The following PTAR1 variants were observed in gnomAD, a reference collection of about 807,000 sequenced individuals.
The protein encoded by PTAR1 is protein prenyltransferase alpha subunit repeat containing 1.
In PTAR1, 17 loss-of-function variants were observed where a neutral mutation model predicts 45.5. That is an observed-to-expected ratio of 0.37 (90% CI 0.26 to 0.56). PTAR1 has a LOEUF of 0.56. Among genes scored for constraint, PTAR1 ranks in the 20% least tolerant of loss-of-function variants. PTAR1 has a pLI of 0.77. For synonymous variants in PTAR1, 169 were observed against 171.3 expected (o/e 0.99, Z 0.11); for missense variants, 391 against 476.3 (o/e 0.82, Z 1.67).
At position 69,718,659 on chromosome 9, in the gene PTAR1, G is replaced by A. The variant is rs1246586260; in HGVS notation, c.973C>T (p.His325Tyr). 6.3e-7 allele frequency: 1 copy of A among 1,588,354 alleles called. No homozygotes were observed. The highest frequency in any genetic ancestry group is 8.6e-7 in the Non-Finnish European group (1 of 1,165,844). The change falls in exon 7 of 8, where the codon CAC (histidine) becomes TAC (tyrosine). Residue 325 changes from histidine to tyrosine, a missense_variant. By Grantham distance (83) the His-to-Tyr change is moderately conservative. Around this residue, in one of 5 missense-constraint regions of PTAR1, gnomAD observed 181 missense variants for 227.7 expected, o/e 0.80. Transcript: ENST00000340434. Reference sequence around the variant, plus strand: ...CTGTGAGGAAACCTACCATTTAAGTGATGCTGAAGGTAGAAAATATGCCGC... The same window carrying A: ...CTGTGAGGAAACCTACCATTTAAGTAATGCTGAAGGTAGAAAATATGCCGC... The part of the protein sequence containing the change: ...HRRHIFYLQH[H>Y]LNAGSQLSQA...
intron 2 of PTAR1, among the ~76,000 whole-genome samples, chr9:69,747,988 G>A (rs112995257): frequency 2.0e-5 from 3 of 152,110 alleles, no homozygotes; most frequent in East Asian, 1.9e-4. Flanking sequence ...TCAGAAAAGC[G>A]TGGTCAAACT....
At chr9:69,740,053 T>C (rs571189089) in intron 3 of PTAR1, among the ~76,000 whole-genome samples, 1 of 152,290 alleles carries the variant, frequency 6.6e-6, no homozygotes, top group Non-Finnish European at 1.5e-5. Flanking sequence ...TCTTGATAAT[T>C]AAAAGTTATA....
At chr9:69,725,450 C>T (rs1400969078) in intron 5 of PTAR1, among the ~76,000 whole-genome samples, 3 of 151,708 alleles carry the variant, frequency 2.0e-5, no homozygotes, top group African/African-American at 7.3e-5. Flanking sequence ...ATTTGCAGGG[C>T]GTGGTGGTGC....
At chr9:69,721,400 A>C (rs2134078225) in intron 6 of PTAR1, among the ~76,000 whole-genome samples, 1 of 152,152 alleles carries the variant, frequency 6.6e-6, no homozygotes, top group African/African-American at 2.4e-5. Context: ...GGATGAACCA[A>C]AAAACAAAAA....
intron 1 of PTAR1, among the ~76,000 whole-genome samples, chr9:69,759,485 G>A (rs1038354846): frequency 3.3e-5 from 5 of 152,132 alleles, no homozygotes; most frequent in African/African-American, 9.7e-5. Context: ...GTGTTTACAA[G>A]GCATACACGG....
In PTAR1 at chr9:69,759,924, G is replaced by A. The variant is rs1284164866; in HGVS notation, c.15C>T (p.Ser5=). Residue 5 remains serine (S), a synonymous_variant, in exon 1 of 8, where the codon AGC becomes AGT. Coordinates refer to ENST00000340434, the MANE Select transcript of PTAR1 (RefSeq NM_001099666.2). The part of the protein sequence containing the change: MAET[S]EEVAVLVQRV... ...GCTGCACCAGCACCGCCACCTCCTC[G>A]CTGGTCTCGGCCATGTTGGCGGCGG... 5 of 1,515,074 alleles carry A rather than the reference G, an allele frequency of 3.3e-6. No homozygotes were observed. Among genetic ancestry groups the A allele is most frequent in the Non-Finnish European group, 4.4e-6 (5 of 1,131,730 alleles). 93.9% of individuals were successfully genotyped at this position (1,515,074 alleles called of 1,614,324 possible).
intron 5 of PTAR1, 87 bp downstream of exon 5, chr9:69,732,052 C>T: frequency 3.3e-6 from 3 of 911,992 alleles, no homozygotes; most frequent in East Asian, 2.6e-5. Context: ...TTTCTCTACT[C>T]CTTCAAAGCT....
At chr9:69,746,946 A>G (rs1250724718) in intron 2 of PTAR1, among the ~76,000 whole-genome samples, 2 of 152,216 alleles carry the variant, frequency 1.3e-5, no homozygotes, top group Non-Finnish European at 2.9e-5. Context: ...TAAATCAGTA[A>G]TTCTTTTCCT....
rs1048978562 is a variant in PTAR1, at chr9:69,713,693, C to T, written c.*4649G>A. The stretch of plus-strand genomic sequence containing the variant: ...CAGAGTGCCACTGTTTCCCTTTGGA[C>T]GCAGGTTTCAGGCTAATCTATTTGT... On this transcript the variant is annotated 3_prime_UTR_variant, in exon 8 of 8. Coordinates refer to ENST00000340434, the MANE Select transcript of PTAR1 (RefSeq NM_001099666.2). 3.3e-5 allele frequency: 5 copies of T among 152,008 alleles called. No homozygotes were observed. Among genetic ancestry groups the T allele is most frequent in the Admixed American group, 1.3e-4 (2 of 15,220 alleles). The allele number at this position is 152,008 out of a possible 1,614,324, so 9.4% of individuals were successfully genotyped here.
intron 2 of PTAR1, among the ~76,000 whole-genome samples, chr9:69,748,852 T>C (rs1361106132): frequency 6.6e-6 from 1 of 152,086 alleles, no homozygotes; most frequent in African/African-American, 2.4e-5. Flanking sequence ...AAAATTCACT[T>C]TCTTATATTT....
chr9:69,759,578 C>G (rs1394219233), intron 1 of PTAR1, among the ~76,000 whole-genome samples: 5 of 152,178 alleles, frequency 3.3e-5, no homozygotes, highest in Non-Finnish European at 7.3e-5. Context: ...GTTTCGTGAA[C>G]TCCTATGAAA....
intron 5 of PTAR1, among the ~76,000 whole-genome samples, chr9:69,729,523 T>A (rs1415065306): frequency 6.6e-6 from 1 of 152,208 alleles, no homozygotes; most frequent in Non-Finnish European, 1.5e-5. Flanking sequence ...CTTTTATATA[T>A]CAAACTTCTA....
At chr9:69,750,009 A>C (rs1826451528) in intron 2 of PTAR1, among the ~76,000 whole-genome samples, 1 of 152,102 alleles carries the variant, frequency 6.6e-6, no homozygotes, top group South Asian at 2.1e-4. Flanking sequence ...GAAGGGGAAG[A>C]AGCTTTACAA....
In PTAR1 at chr9:69,715,956, A is replaced by G. The variant is rs1824712934; in HGVS notation, c.*2386T>C. The G allele has an allele frequency of 2.6e-5, 4 of 152,136 alleles. No homozygotes were observed. Among genetic ancestry groups the G allele is most frequent in the Admixed American group, 2.6e-4 (4 of 15,250 alleles). The allele number at this position is 152,136 out of a possible 1,614,324, so 9.4% of individuals were successfully genotyped here. Reference sequence around the variant, plus strand: ...ATTAAAGGACTGTGCGGCTTCAGAAAAGAGTGGGTTAAGAGCCTTAGAAGA... The same window carrying G: ...ATTAAAGGACTGTGCGGCTTCAGAAGAGAGTGGGTTAAGAGCCTTAGAAGA... On this transcript the variant is annotated 3_prime_UTR_variant, in exon 8 of 8. Coordinates refer to ENST00000340434, the MANE Select transcript of PTAR1 (RefSeq NM_001099666.2).
intron 2 of PTAR1, among the ~76,000 whole-genome samples, chr9:69,747,228 T>C (rs1443308903): frequency 6.6e-6 from 1 of 152,152 alleles, no homozygotes; most frequent in African/African-American, 2.4e-5. Flanking sequence ...TAAAATACAG[T>C]GTGACAAGTG....
intron 5 of PTAR1, among the ~76,000 whole-genome samples, chr9:69,724,568 G>C (rs1240032371): frequency 6.6e-6 from 1 of 152,052 alleles, no homozygotes; most frequent in African/African-American, 2.4e-5. Flanking sequence ...AAAGGTCCCA[G>C]GCAAATGCCT....
chr9:69,739,459 C>G (rs1215703143), intron 3 of PTAR1, among the ~76,000 whole-genome samples: 1 of 150,988 alleles, frequency 6.6e-6, no homozygotes, highest in Non-Finnish European at 1.5e-5. Flanking sequence ...TTATGTGTAT[C>G]ACTCACTGTA....
At chr9:69,746,980 A>G (rs1248252993) in intron 2 of PTAR1, among the ~76,000 whole-genome samples, 1 of 152,218 alleles carries the variant, frequency 6.6e-6, no homozygotes, top group Non-Finnish European at 1.5e-5. Flanking sequence ...AGGTTACCAC[A>G]AGAAGTGAAG....
intron 5 of PTAR1, 157 bp downstream of exon 5, chr9:69,731,982 T>C: frequency 1.6e-6 from 1 of 611,246 alleles, no homozygotes; most frequent in Non-Finnish European, 2.9e-6. Context: ...TTTTATTTAA[T>C]TACAGGGTTC....
Sources: allele counts gnomAD v4.1 joint callset (sites outside exome capture counted in the v4.1 genomes callset), GRCh38; gene constraint gnomAD v4.1.1; regional missense constraint gnomAD v4.1.1; transcripts MANE v1.5; gene names NCBI Gene and HGNC (gene_info 2026-07-23, HGNC 2026-07-21).